CTNNA3: variants seen among roughly 807,000 people sequenced by gnomAD.
CTNNA3 encodes the protein catenin alpha-3.
A neutral mutation model predicts 95.7 loss-of-function variants in CTNNA3; 76 were observed. That is an observed-to-expected ratio of 0.79 (90% CI 0.66 to 0.96). CTNNA3 has a LOEUF of 0.96. Among genes scored for constraint, CTNNA3 ranks in the 40% least tolerant of loss-of-function variants. The probability of loss-of-function intolerance (pLI) is 0.00; values close to 1 mark genes in which losing one functional copy is unlikely to be tolerated. For synonymous variants in CTNNA3, 431 were observed against 374.4 expected (o/e 1.15, Z -1.74); for missense variants, 1,191 against 1,089.8 (o/e 1.09, Z -1.31).
rs1370514531 is a variant in CTNNA3, at chr10:65,919,617, G to C, written c.*713C>G. 1.3e-5 allele frequency: 2 copies of C among 152,120 alleles called. No individual in the cohort carries two copies. The highest frequency in any genetic ancestry group is 4.8e-5 in the African/African-American group (2 of 41,418). 9.4% of individuals were successfully genotyped at this position (152,120 alleles called of 1,614,324 possible). The stretch of plus-strand genomic sequence containing the variant: ...AAGTACAGAACTCTCTAACACATTG[G>C]AAACCCAAAAGGTGAGTATGTGGCA... On this transcript the variant is annotated 3_prime_UTR_variant, in exon 18 of 18. Coordinates refer to ENST00000433211, the MANE Select transcript of CTNNA3 (RefSeq NM_013266.4).
chr10:67,409,881 A>AAGAGGAAC (rs1845301175), intron 5 of CTNNA3, among the ~76,000 whole-genome samples: 1 of 152,168 alleles, frequency 6.6e-6, no homozygotes. Context: ...GTCGTGGAGA[A>AAGAGGAAC]AGAGGAACAC....
At chr10:66,070,343 G>A (rs902203437) in intron 14 of CTNNA3, among the ~76,000 whole-genome samples, 7 of 152,180 alleles carry the variant, frequency 4.6e-5, no homozygotes, top group African/African-American at 1.7e-4. Flanking sequence ...ATGCAAGCAC[G>A]TTAAGTAAAT....
At chr10:66,336,159 C>T (rs1375386811) in intron 12 of CTNNA3, among the ~76,000 whole-genome samples, 2 of 152,030 alleles carry the variant, frequency 1.3e-5, no homozygotes, top group Non-Finnish European at 2.9e-5. Context: ...AAACGGAATT[C>T]CCTGACCCCT....
intron 15 of CTNNA3, among the ~76,000 whole-genome samples, chr10:66,038,488 A>C (rs1305136023): frequency 1.3e-5 from 2 of 152,206 alleles, no homozygotes; most frequent in African/African-American, 4.8e-5. Flanking sequence ...GTGAAAAAAA[A>C]ATTTGAGCAT....
At chr10:66,865,630 A>T (rs1844144433) in intron 7 of CTNNA3, among the ~76,000 whole-genome samples, 1 of 152,178 alleles carries the variant, frequency 6.6e-6, no homozygotes, top group South Asian at 2.1e-4. Context: ...TATATAAAAT[A>T]TGTAAACGTA....
chr10:66,879,467 C>T (rs1402640467), intron 7 of CTNNA3, among the ~76,000 whole-genome samples: 1 of 152,016 alleles, frequency 6.6e-6, no homozygotes, highest in Non-Finnish European at 1.5e-5. Context: ...TTAAGAATAC[C>T]TAGTCAATCA....
intron 7 of CTNNA3, among the ~76,000 whole-genome samples, chr10:66,913,970 A>T (rs181415595): frequency 6.6e-6 from 1 of 152,126 alleles, no homozygotes; most frequent in African/African-American, 2.4e-5. Context: ...CCCCCAGAAC[A>T]CTGGTAGCAG....
Position 66,379,368 on chromosome 10 carries a change from T to A in CTNNA3, c.1532-16A>T, listed in dbSNP as rs920257424. ...ATATGGCTTTCTGTAAGTAAATGAA[T>A]CAAATTAGTTTTTGCGTGTGTCTGT... On this transcript the variant is annotated splice_polypyrimidine_tract_variant and intron_variant, in intron 11 of 17. Transcript: ENST00000433211. The A allele has an allele frequency of 1.2e-6, 2 of 1,606,448 alleles. No homozygotes were observed. Among genetic ancestry groups the A allele is most frequent in the African/African-American group, 2.7e-5 (2 of 74,778 alleles).
intron 10 of CTNNA3, among the ~76,000 whole-genome samples, chr10:66,542,155 C>G (rs1184230737): frequency 6.6e-6 from 1 of 152,042 alleles, no homozygotes; most frequent in Admixed American, 6.6e-5. Flanking sequence ...TCATCACTGG[C>G]CATGAGAGAA....
At chr10:66,169,055 T>G (rs575598515) in intron 13 of CTNNA3, among the ~76,000 whole-genome samples, 1 of 152,298 alleles carries the variant, frequency 6.6e-6, no homozygotes, top group South Asian at 2.1e-4. Context: ...TAATTGTCTA[T>G]TTTTGTTGTT....
At chr10:66,189,238 T>C (rs950458015) in intron 13 of CTNNA3, among the ~76,000 whole-genome samples, 1 of 150,942 alleles carries the variant, frequency 6.6e-6, no homozygotes, top group Non-Finnish European at 1.5e-5. Flanking sequence ...CTCCCACTTG[T>C]TTGCTTCTCT....
chr10:67,729,841 T>G (rs1255449185), intron 1 of CTNNA3, among the ~76,000 whole-genome samples: 4 of 152,020 alleles, frequency 2.6e-5, no homozygotes, highest in African/African-American at 9.7e-5. Context: ...AAATAATTAA[T>G]TTTATGGTTA....
intron 7 of CTNNA3, among the ~76,000 whole-genome samples, chr10:67,071,524 C>G (rs1047323666): frequency 3.3e-5 from 5 of 149,484 alleles, no homozygotes; most frequent in Admixed American, 3.3e-4. Context: ...TTGTTTGTTT[C>G]TTTGACTTCA....
intron 5 of CTNNA3, chr10:67,334,035 T>TAAA: frequency 6.6e-6 from 1 of 152,188 alleles, no homozygotes; most frequent in Non-Finnish European, 1.5e-5. Flanking sequence ...AGTTACAGTC[T>TAAA]ATAAAGCATA....
chr10:66,029,815 C>T (rs1039341555), intron 15 of CTNNA3, among the ~76,000 whole-genome samples: 1 of 152,000 alleles, frequency 6.6e-6, no homozygotes, highest in African/African-American at 2.4e-5. Flanking sequence ...GATAAACATA[C>T]AAATAAATGA....
chr10:65,985,164 G>A (rs1589216714), intron 16 of CTNNA3, among the ~76,000 whole-genome samples: 1 of 150,892 alleles, frequency 6.6e-6, no homozygotes, highest in South Asian at 2.1e-4. Flanking sequence ...TTCCAAGAGA[G>A]TATAAACATA....
intron 6 of CTNNA3, among the ~76,000 whole-genome samples, chr10:67,215,324 T>C (rs1864308755): frequency 6.6e-6 from 1 of 152,154 alleles, no homozygotes. Context: ...TACCTTATAA[T>C]TTCAATATCT....
At chr10:66,228,905 T>C (rs2089453248) in intron 13 of CTNNA3, among the ~76,000 whole-genome samples, 1 of 152,182 alleles carries the variant, frequency 6.6e-6, no homozygotes, top group African/African-American at 2.4e-5. Context: ...TTGTCTCTTT[T>C]AATGTTTTTT....
chr10:66,196,191 A>G (rs1201709763), intron 13 of CTNNA3, among the ~76,000 whole-genome samples: 5 of 152,226 alleles, frequency 3.3e-5, no homozygotes. Flanking sequence ...TTAAGAGAAT[A>G]TAAAGCAAAG....
Sources: allele counts gnomAD v4.1 joint callset (sites outside exome capture counted in the v4.1 genomes callset), GRCh38; gene constraint gnomAD v4.1.1; transcripts MANE v1.5; gene names NCBI Gene and HGNC (gene_info 2026-07-23, HGNC 2026-07-21).